KAT6B: variants seen among roughly 807,000 people sequenced by gnomAD.
KAT6B encodes the protein lysine acetyltransferase 6B.
In KAT6B, 10 loss-of-function variants were observed where a neutral mutation model predicts 187.5. The observed-to-expected ratio is 0.05, with a 90% confidence interval of 0.03 to 0.09. KAT6B has a LOEUF of 0.09. Ranked by LOEUF, KAT6B falls within the 10% of genes least tolerant of loss-of-function variation. The pLI is 1.00. For missense variants in KAT6B, 1,952 were observed against 2,558.9 expected (o/e 0.76, Z 5.12); for synonymous variants, 861 against 926.8 (o/e 0.93, Z 1.29).
chr10:74,891,905 T>C (rs1845667472), intron 3 of KAT6B, among the ~76,000 whole-genome samples: 1 of 152,214 alleles, frequency 6.6e-6, no homozygotes, highest in Non-Finnish European at 1.5e-5. Context: ...CCACTATAGG[T>C]TGCCCAATAA....
chr10:74,980,251 A>G (rs1469571711), intron 10 of KAT6B, among the ~76,000 whole-genome samples: 1 of 152,218 alleles, frequency 6.6e-6, no homozygotes, highest in African/African-American at 2.4e-5. Context: ...ATATCCCAAA[A>G]TGGGTACATT....
chr10:74,944,796 G>T (rs1044949332), intron 3 of KAT6B, among the ~76,000 whole-genome samples: 1 of 114,328 alleles, frequency 8.7e-6, no homozygotes, highest in African/African-American at 3.7e-5. Context: ...GCGACAGAGC[G>T]AGACTCCGTC....
intron 3 of KAT6B, among the ~76,000 whole-genome samples, chr10:74,850,125 A>G (rs1030472401): frequency 1.3e-5 from 2 of 152,052 alleles, no homozygotes; most frequent in African/African-American, 4.8e-5. Context: ...TTTTTAGTAG[A>G]GACGGGGTTT....
chr10:74,912,293 C>T (rs1396671669), intron 3 of KAT6B, among the ~76,000 whole-genome samples: 1 of 150,468 alleles, frequency 6.6e-6, no homozygotes, highest in Non-Finnish European at 1.5e-5. Context: ...TTGATTGTCT[C>T]ATGTATGTAT....
chr10:75,022,907 A>T (rs1352021032), intron 16 of KAT6B, among the ~76,000 whole-genome samples: 1 of 152,230 alleles, frequency 6.6e-6, no homozygotes, highest in Non-Finnish European at 1.5e-5. Context: ...CTGGGCAACA[A>T]GAGCGAAACT....
intron 3 of KAT6B, among the ~76,000 whole-genome samples, chr10:74,951,780 T>C (rs1394137101): frequency 1.3e-5 from 2 of 152,220 alleles, no homozygotes; most frequent in African/African-American, 4.8e-5. Flanking sequence ...CCATTGATGG[T>C]TTCTTTACAT....
intron 3 of KAT6B, among the ~76,000 whole-genome samples, chr10:74,908,431 C>T (rs186314692): frequency 3.2e-4 from 48 of 151,708 alleles, no homozygotes; most frequent in East Asian, 7.8e-4. Flanking sequence ...CATGGTGCTG[C>T]GTGCCTGTAG....
chr10:75,013,638 C>A (rs1025414904), intron 13 of KAT6B, among the ~76,000 whole-genome samples: 3 of 152,192 alleles, frequency 2.0e-5, no homozygotes, highest in Non-Finnish European at 4.4e-5. Flanking sequence ...AGACTTGATT[C>A]ATTCAGTATG....
intron 13 of KAT6B, among the ~76,000 whole-genome samples, chr10:74,997,877 C>CA (rs1462060691): frequency 6.6e-6 from 1 of 151,782 alleles, no homozygotes; most frequent in African/African-American, 2.4e-5. Context: ...TTTGGGAAGC[C>CA]AAGGCAAGCA....
intron 12 of KAT6B, among the ~76,000 whole-genome samples, chr10:74,986,483 A>G (rs1842819787): frequency 6.6e-6 from 1 of 152,230 alleles, no homozygotes; most frequent in African/African-American, 2.4e-5. Context: ...GTTTCAAAAG[A>G]TAGAATATAT....
At chr10:74,900,995 T>C (rs1846348748) in intron 3 of KAT6B, among the ~76,000 whole-genome samples, 1 of 152,136 alleles carries the variant, frequency 6.6e-6, no homozygotes, top group Admixed American at 6.5e-5. Context: ...TTGAAATGTT[T>C]ATATATATAA....
chr10:74,948,766 AT>A (rs149144853), intron 3 of KAT6B, among the ~76,000 whole-genome samples: 2 of 152,276 alleles, frequency 1.3e-5, no homozygotes, highest in East Asian at 3.9e-4. Flanking sequence ...TAATCTATGC[AT>A]TACTATTTTG....
intron 3 of KAT6B, among the ~76,000 whole-genome samples, chr10:74,872,249 C>G (rs1423920261): frequency 6.6e-6 from 1 of 152,190 alleles, no homozygotes; most frequent in East Asian, 1.9e-4. Context: ...GAAGCGGCTT[C>G]TAGGCACATG....
chr10:75,025,606 G>A, intron 17 of KAT6B: 5 of 266,794 alleles, frequency 1.9e-5, no homozygotes, highest in East Asian at 8.7e-5. Flanking sequence ...CTGAAATCAA[G>A]GTATATATTA....
chr10:74,960,551 C>G (rs1309650707), intron 4 of KAT6B, among the ~76,000 whole-genome samples: 3 of 146,608 alleles, frequency 2.0e-5, no homozygotes, highest in Non-Finnish European at 3.0e-5. Flanking sequence ...TTATAGTAAT[C>G]TCTAAAAAAA....
chr10:74,830,471 CTG>C (rs1840669084), intron 1 of KAT6B, among the ~76,000 whole-genome samples: 5 of 151,846 alleles, frequency 3.3e-5, no homozygotes, highest in Admixed American at 2.6e-4. Context: ...CCCAGCGTAA[CTG>C]TAACACTTTT....
At chr10:74,850,939 C>G (rs1842439351) in intron 3 of KAT6B, among the ~76,000 whole-genome samples, 1 of 152,032 alleles carries the variant, frequency 6.6e-6, no homozygotes, top group Non-Finnish European at 1.5e-5. Context: ...TGTGGGAATT[C>G]TCATTCTAGG....
intron 4 of KAT6B, among the ~76,000 whole-genome samples, chr10:74,961,510 C>T (rs1364619014): frequency 6.6e-6 from 1 of 151,988 alleles, no homozygotes; most frequent in Non-Finnish European, 1.5e-5. Context: ...AGAAAAGTTC[C>T]CTTCATATAT....
intron 3 of KAT6B, among the ~76,000 whole-genome samples, chr10:74,919,262 A>G (rs1414203056): frequency 6.6e-6 from 1 of 151,832 alleles, no homozygotes; most frequent in African/African-American, 2.4e-5. Flanking sequence ...TCTGGTTCTT[A>G]TTTTTGAAGT....
Sources: gnomAD v4.1 joint callset for allele counts (sites outside exome capture counted in the v4.1 genomes callset) on GRCh38, gnomAD v4.1.1 for gene constraint, MANE v1.5 for transcripts, NCBI Gene and HGNC (gene_info 2026-07-23, HGNC 2026-07-21) for gene names.